The following BCL2 variants were observed in gnomAD, a reference collection of about 807,000 sequenced individuals.
The protein encoded by BCL2 is apoptosis regulator Bcl-2.
Under a neutral mutation model 14.2 loss-of-function variants are expected in BCL2, and 1 was observed. That is an observed-to-expected ratio of 0.07 (90% CI 0.02 to 0.33). The LOEUF (loss-of-function observed/expected upper bound fraction) is 0.33. Ranked by LOEUF, BCL2 falls within the 10% of genes least tolerant of loss-of-function variation. BCL2 has a pLI of 0.99. For missense variants in BCL2, 247 were observed against 305.9 expected (o/e 0.81, Z 1.44); for synonymous variants, 151 against 137.2 (o/e 1.10, Z -0.70).
chr18:63,279,882 T>C (rs1912260067), intron 2 of BCL2, among the ~76,000 whole-genome samples: 1 of 152,208 alleles, frequency 6.6e-6, no homozygotes, highest in Admixed American at 6.5e-5. Flanking sequence ...GTGACATACT[T>C]AGGTGGTAAA....
chr18:63,161,343 ACTC>A (rs1277891750), intron 2 of BCL2, among the ~76,000 whole-genome samples: 31 of 152,258 alleles, frequency 2.0e-4, no homozygotes. Context: ...AAAAATTTAG[ACTC>A]AGCCAGTGAA....
At chr18:63,260,592 G>C (rs1343450818) in intron 2 of BCL2, among the ~76,000 whole-genome samples, 1 of 152,052 alleles carries the variant, frequency 6.6e-6, no homozygotes, top group African/African-American at 2.4e-5. Context: ...TTAATCCCTA[G>C]GAATAAACAT....
chr18:63,202,209 T>C lies in BCL2; in HGVS notation c.586-73450A>G, dbSNP rs1049865755. ...CTGTAATCCCAGGTACTTGGGTGCC[T>C]GAGGCAGGAGAATCACTTGAACTCA... On this transcript the variant is annotated intron_variant, in intron 2 of 2. Transcript: ENST00000333681. Among the ~76,000 whole-genome samples the C allele has an allele frequency of 7.2e-5, 11 of 152,192 alleles. No individual in the cohort carries two copies. The East Asian group carries it at 2.1e-3, about 29-fold the overall frequency.
At chr18:63,136,454 C>T (rs1914207747) in intron 2 of BCL2, among the ~76,000 whole-genome samples, 1 of 152,196 alleles carries the variant, frequency 6.6e-6, no homozygotes, top group Non-Finnish European at 1.5e-5. Flanking sequence ...GCCCCATATT[C>T]ATTCAACAGT....
At chr18:63,166,362 A>G (rs1374019779) in intron 2 of BCL2, among the ~76,000 whole-genome samples, 1 of 152,046 alleles carries the variant, frequency 6.6e-6, no homozygotes, top group Non-Finnish European at 1.5e-5. Context: ...CAGCTCCAGG[A>G]CCCTGGACGG....
chr18:63,253,623 T>C (rs1430907796), intron 2 of BCL2, among the ~76,000 whole-genome samples: 1 of 152,208 alleles, frequency 6.6e-6, no homozygotes, highest in African/African-American at 2.4e-5. Flanking sequence ...GAGATGGCCG[T>C]TGGAGATTTC....
At chr18:63,269,867 C>T (rs774270667) in intron 2 of BCL2, among the ~76,000 whole-genome samples, 50 of 152,108 alleles carry the variant, frequency 3.3e-4, no homozygotes, top group Non-Finnish European at 5.3e-4. Context: ...TAATAACACA[C>T]CAATATAGAA....
rs1302520231 is a variant in BCL2 at position 63,318,341 on chromosome 18, C to T, written c.326G>A (p.Arg109His). The T allele has an allele frequency of 6.8e-6, 11 of 1,611,584 alleles. No homozygotes were observed. The South Asian group carries it at 1.1e-4, about 16-fold the overall frequency. Reference protein sequence around the residue: ...QAGDDFSRRYRRDFAEMSSQL... With the variant: ...QAGDDFSRRYHRDFAEMSSQL... ...GCTGGACATCTCGGCGAAGTCGCGG[C>T]GGTAGCGGCGGGAGAAGTCGTCGCC... Residue 109 changes from arginine (R) to histidine (H), a missense_variant, in exon 2 of 3, where the codon CGC (arginine) becomes CAC (histidine). By Grantham distance (29) the Arg-to-His change is conservative. Coordinates refer to ENST00000333681, the MANE Select transcript of BCL2 (RefSeq NM_000633.3). The surrounding 1 kb of genome is among the most constrained non-coding windows in gnomAD (Gnocchi z 7.4).
intron 2 of BCL2, among the ~76,000 whole-genome samples, chr18:63,205,066 T>G (rs1909799147): frequency 6.6e-6 from 1 of 152,160 alleles, no homozygotes; most frequent in Non-Finnish European, 1.5e-5. Context: ...ACTGTTCCAG[T>G]ATAGGAACCA....
intron 2 of BCL2, among the ~76,000 whole-genome samples, chr18:63,262,696 G>A (rs1265490017): frequency 1.3e-5 from 2 of 152,138 alleles, no homozygotes; most frequent in Non-Finnish European, 2.9e-5. Flanking sequence ...AAAGTCCCAC[G>A]GGGTAAGCAA....
chr18:63,218,375 G>A lies in BCL2; in HGVS notation c.586-89616C>T, dbSNP rs145407565. Reference sequence around the variant, plus strand: ...AACCCTCAATGTCTCTCCCTACTGGGGCACAGCAGAGAGGTAGAGAGAAGG... The same window carrying A: ...AACCCTCAATGTCTCTCCCTACTGGAGCACAGCAGAGAGGTAGAGAGAAGG... On this transcript the variant is annotated intron_variant, in intron 2 of 2. Transcript: ENST00000333681. Among the ~76,000 whole-genome samples the A allele has an allele frequency of 4.4e-3, 663 of 152,082 alleles. 9 individuals are homozygous for A. The highest frequency in any genetic ancestry group is 0.015 in the African/African-American group (626 of 41,454).
intron 2 of BCL2, among the ~76,000 whole-genome samples, chr18:63,275,044 T>C (rs1222489721): frequency 6.6e-6 from 1 of 152,060 alleles, no homozygotes; most frequent in Non-Finnish European, 1.5e-5. Flanking sequence ...ATTTGACCAC[T>C]ATGGTATACA....
chr18:63,216,685 G>C (rs1910214021), intron 2 of BCL2, among the ~76,000 whole-genome samples: 2 of 152,334 alleles, frequency 1.3e-5, no homozygotes, highest in South Asian at 4.1e-4. Flanking sequence ...AGAAGTGGAA[G>C]ACACTGTGCT....
At chr18:63,155,987 T>C (rs1225094647) in intron 2 of BCL2, among the ~76,000 whole-genome samples, 1 of 151,710 alleles carries the variant, frequency 6.6e-6, no homozygotes, top group Non-Finnish European at 1.5e-5. Flanking sequence ...TTCTTGGGAC[T>C]CTTGTTCTTT....
intron 2 of BCL2, among the ~76,000 whole-genome samples, chr18:63,158,420 C>A (rs1260466260): frequency 6.6e-6 from 1 of 152,152 alleles, no homozygotes; most frequent in African/African-American, 2.4e-5. Flanking sequence ...TTGGGACTGG[C>A]TGTCACACGC....
intron 2 of BCL2, among the ~76,000 whole-genome samples, chr18:63,138,001 T>C (rs532431196): frequency 1.1e-4 from 17 of 152,130 alleles, no homozygotes; most frequent in African/African-American, 4.1e-4. Flanking sequence ...TCATTGGCAA[T>C]ACTATCTGTG....
intron 2 of BCL2, among the ~76,000 whole-genome samples, chr18:63,140,890 A>G (rs1440710395): frequency 6.6e-6 from 1 of 152,262 alleles, no homozygotes; most frequent in Non-Finnish European, 1.5e-5. Flanking sequence ...GGAATTCCAC[A>G]GAAGTACTGG....
chr18:63,256,503 CA>C (rs1253354301), intron 2 of BCL2, among the ~76,000 whole-genome samples: 11 of 152,192 alleles, frequency 7.2e-5, no homozygotes, highest in Admixed American at 7.2e-4. Flanking sequence ...AGGCGTGAGC[CA>C]CCATGCCCGG....
intron 2 of BCL2, among the ~76,000 whole-genome samples, chr18:63,223,045 G>A (rs979183677): frequency 6.6e-6 from 1 of 152,210 alleles, no homozygotes; most frequent in East Asian, 1.9e-4. Context: ...TCCTCCAAAG[G>A]CTCAGGAACA....
Sources: allele counts gnomAD v4.1 joint callset (sites outside exome capture counted in the v4.1 genomes callset), GRCh38; gene constraint gnomAD v4.1.1; non-coding constraint Gnocchi (gnomAD v3.1); transcripts MANE v1.5; gene names NCBI Gene and HGNC (gene_info 2026-07-23, HGNC 2026-07-21).